CPNE5: variants seen among roughly 807,000 people sequenced by gnomAD.
The protein encoded by CPNE5 is copine-5.
CPNE5 carries 42 observed loss-of-function variants against 81.1 expected under a neutral mutation model. That is an observed-to-expected ratio of 0.52 (90% CI 0.40 to 0.67). The LOEUF is 0.67. CPNE5 is among the 30% of genes least tolerant of loss of function. CPNE5 has a pLI of 0.00. For synonymous variants in CPNE5, 313 were observed against 321.5 expected (o/e 0.97, Z 0.28); for missense variants, 612 against 815.5 (o/e 0.75, Z 3.04).
chr6:36,783,015 C>T (rs1032232117), intron 8 of CPNE5, among the ~76,000 whole-genome samples: 14 of 152,040 alleles, frequency 9.2e-5, no homozygotes, highest in Admixed American at 4.6e-4. Context: ...GTGGAGAAGG[C>T]GAAAGGAGAT....
chr6:36,788,259 T>G (rs1768767403), intron 8 of CPNE5, among the ~76,000 whole-genome samples: 1 of 151,926 alleles, frequency 6.6e-6, no homozygotes, highest in African/African-American at 2.4e-5. Context: ...TCCAGGCTGG[T>G]CTCGAACTCC....
intron 6 of CPNE5, among the ~76,000 whole-genome samples, chr6:36,797,186 G>A (rs1039077262): frequency 6.6e-6 from 1 of 152,214 alleles, no homozygotes; most frequent in Non-Finnish European, 1.5e-5. Flanking sequence ...GATTACAGGC[G>A]TGAGCCACCG....
At chr6:36,755,351 G>T (rs1263951611) in intron 13 of CPNE5, 5 of 152,240 alleles carry the variant, frequency 3.3e-5, no homozygotes, top group African/African-American at 7.2e-5. Context: ...TTCTAGAAAT[G>T]CACTGTGAGC....
chr6:36,762,144 T>A (rs12524933), intron 12 of CPNE5, among the ~76,000 whole-genome samples: 12,933 of 147,260 alleles, frequency 0.088, 618 homozygotes, highest in East Asian at 0.17. Context: ...TCCCAGCTAC[T>A]CGGGAGGCTG....
intron 3 of CPNE5, among the ~76,000 whole-genome samples, chr6:36,821,402 G>A (rs554365342): frequency 1.3e-5 from 2 of 152,244 alleles, no homozygotes; most frequent in South Asian, 2.1e-4. Flanking sequence ...AATTTGACCC[G>A]GGTTTTAACA....
chr6:36,835,257 A>G (rs995716716), intron 1 of CPNE5, among the ~76,000 whole-genome samples: 3 of 152,246 alleles, frequency 2.0e-5, no homozygotes, highest in Non-Finnish European at 4.4e-5. Flanking sequence ...ATGCTGGGCC[A>G]GATCCCTGCG....
rs1001598185 is a variant in CPNE5 at position 36,824,514 on chromosome 6, C to T, written c.96-1416G>A. Among the ~76,000 whole-genome samples, 5 of 152,250 alleles carry T rather than the reference C, an allele frequency of 3.3e-5. 1 individual carries two copies. The highest frequency in any genetic ancestry group is 4.1e-4 in the South Asian group (2 of 4,832). On this transcript the variant is annotated intron_variant, in intron 1 of 20. Transcript: ENST00000244751. ...TCTCAGCCTTGTCCCGCCTCCCTTC[C>T]GGAGGTCCCAAAGGATCTTGTCACC...
chr6:36,749,813 G>T (rs1764608544), intron 14 of CPNE5, among the ~76,000 whole-genome samples: 1 of 152,190 alleles, frequency 6.6e-6, no homozygotes, highest in Non-Finnish European at 1.5e-5. Flanking sequence ...ACATTTGCAT[G>T]TGTTTGACGT....
At chr6:36,772,666 A>G (rs527381720) in intron 10 of CPNE5, among the ~76,000 whole-genome samples, 1 of 152,268 alleles carries the variant, frequency 6.6e-6, no homozygotes, top group South Asian at 2.1e-4. Context: ...CTTCTGTCCC[A>G]GCCAAGAGGC....
intron 3 of CPNE5, among the ~76,000 whole-genome samples, chr6:36,800,425 C>G (rs1436990179): frequency 1.3e-5 from 2 of 152,176 alleles, no homozygotes; most frequent in East Asian, 1.9e-4. Context: ...CTCCAGGAAG[C>G]CTTCCTGATT....
At position 36,766,573 on chromosome 6, in the gene CPNE5, G is replaced by GA. The variant is rs201524473; in HGVS notation, c.738-1198dup. ...CTCTGAGGTGAATTATTGTGGAAAG[G>GA]AAAAAAAAATCACCTAAGCCCCTGA... is the stretch of plus-strand genomic sequence containing the variant. On this transcript the variant is annotated intron_variant, in intron 10 of 20. Transcript: ENST00000244751. The surrounding 1 kb of genome is among the most constrained non-coding windows in gnomAD (Gnocchi z 4.2). Among the ~76,000 whole-genome samples the GA allele has an allele frequency of 4.9e-3, 741 of 151,840 alleles. 4 individuals are homozygous for GA. Among genetic ancestry groups the GA allele is most frequent in the African/African-American group, 0.016 (676 of 41,368 alleles).
chr6:36,832,643 C>A (rs148636277), intron 1 of CPNE5, among the ~76,000 whole-genome samples: 3 of 150,832 alleles, frequency 2.0e-5, no homozygotes, highest in African/African-American at 7.3e-5. Flanking sequence ...ACAAAGTAGC[C>A]CTGATATAAC....
intron 8 of CPNE5, among the ~76,000 whole-genome samples, chr6:36,788,322 T>C (rs898632222): frequency 3.3e-5 from 5 of 152,262 alleles, no homozygotes; most frequent in Admixed American, 2.0e-4. Flanking sequence ...GCTGGGATTA[T>C]AGGCGTGAAC....
chr6:36,809,047 G>C (rs917297708), intron 3 of CPNE5, among the ~76,000 whole-genome samples: 3 of 152,198 alleles, frequency 2.0e-5, no homozygotes, highest in African/African-American at 4.8e-5. Flanking sequence ...CTACTCCCTA[G>C]CGCAGTCTCT....
intron 13 of CPNE5, 106 bp downstream of exon 13, chr6:36,756,139 G>C (rs12203137): frequency 1.2e-4 from 67 of 546,982 alleles, no homozygotes; most frequent in East Asian, 4.0e-4. Flanking sequence ...TGATTCCCAC[G>C]CTCAGCCCCT....
rs1486325831 is a variant in CPNE5 at position 36,746,900 on chromosome 6, C to G, written c.1019-323G>C. ...CCTATCCGCCTCAGAGAGATCATGC[C>G]TCTCCTCTGCCCAAAACGCTCAATG... is the stretch of plus-strand genomic sequence containing the variant. On this transcript the variant is annotated intron_variant, in intron 15 of 20. Transcript: ENST00000244751. The surrounding 1 kb of genome is among the most constrained non-coding windows in gnomAD (Gnocchi z 4.5). 6.6e-6 allele frequency among the ~76,000 whole-genome samples: 1 copy of G among 152,020 alleles called. No homozygotes were observed. The highest frequency in any genetic ancestry group is 1.5e-5 in the Non-Finnish European group (1 of 67,990).
intron 11 of CPNE5, among the ~76,000 whole-genome samples, chr6:36,763,439 T>C (rs171033): frequency 0.68 from 102,976 of 151,768 alleles, 35,087 homozygotes; most frequent in Non-Finnish European, 0.73. Context: ...CCCGTCTCTA[T>C]TAAAAATACA....
At position 36,748,212 on chromosome 6, in the gene CPNE5, C is replaced by T. The variant is rs1764401899; in HGVS notation, c.1018+9G>A. The stretch of plus-strand genomic sequence containing the variant: ...CCCACCCTGCTCCTCTACCCATCCC[C>T]CAACTCACCATTGGAGGCAGTGAAA... On this transcript the variant is annotated intron_variant, in intron 15 of 20. Coordinates refer to ENST00000244751, the MANE Select transcript of CPNE5 (RefSeq NM_020939.2). 1 of 1,613,918 alleles carries T rather than the reference C, an allele frequency of 6.2e-7. No individual in the cohort carries two copies. Among genetic ancestry groups the T allele is most frequent in the Non-Finnish European group, 8.5e-7 (1 of 1,179,768 alleles).
chr6:36,808,203 G>A (rs933770847), intron 3 of CPNE5, among the ~76,000 whole-genome samples: 14 of 151,874 alleles, frequency 9.2e-5, no homozygotes, highest in Admixed American at 3.9e-4. Context: ...TGATTCTCCC[G>A]CCTCAGCCTC....
Sources: allele counts gnomAD v4.1 joint callset (sites outside exome capture counted in the v4.1 genomes callset), GRCh38; gene constraint gnomAD v4.1.1; non-coding constraint Gnocchi (gnomAD v3.1); transcripts MANE v1.5; gene names NCBI Gene and HGNC (gene_info 2026-07-23, HGNC 2026-07-21).